The following RNF213 variants were observed in gnomAD, a reference collection of about 807,000 sequenced individuals.
RNF213 encodes the protein E3 ubiquitin-protein ligase RNF213.
In RNF213, 341 loss-of-function variants were observed where a neutral mutation model predicts 514.4. The observed-to-expected ratio is 0.66, with a 90% CI of 0.61 to 0.73. The LOEUF (loss-of-function observed/expected upper bound fraction) is 0.73, where lower values mean the gene tolerates loss of function less well. RNF213 is among the 30% of genes least tolerant of loss of function. The probability of loss-of-function intolerance (pLI) is 0.00; values close to 1 mark genes in which losing one functional copy is unlikely to be tolerated. For missense variants in RNF213, 5,767 were observed against 6,615.6 expected (o/e 0.87, Z 4.45); for synonymous variants, 2,655 against 2,658.2 (o/e 1.00, Z 0.04).
rs748223694 is a variant in RNF213 at position 80,393,750 on chromosome 17, A to G, written c.*252A>G. On this transcript the variant is annotated 3_prime_UTR_variant, in exon 68 of 68. Transcript: ENST00000582970. Reference sequence around the variant, plus strand: ...TGAGTACTGTTCATTGAGAGATGACAATGAAGATTAGATGAAATTGGAAAT... The same window carrying G: ...TGAGTACTGTTCATTGAGAGATGACGATGAAGATTAGATGAAATTGGAAAT... The G allele has an allele frequency of 6.3e-6, 3 of 476,224 alleles. No homozygotes were observed. The highest frequency in any genetic ancestry group is 2.0e-5 in the African/African-American group (1 of 50,476). The allele number at this position is 476,224 out of a possible 1,614,324, so 29.5% of individuals were successfully genotyped here. A position where few individuals can be genotyped will look rare whatever the true frequency, so the allele number is the denominator to read the frequency against.
intron 61 of RNF213, 58 bp from the exon 62 acceptor site, chr17:80,386,192 T>C (rs1449348637): frequency 6.5e-7 from 1 of 1,548,844 alleles, no homozygotes; most frequent in Non-Finnish European, 8.8e-7. Context: ...TCCCCACGCC[T>C]AGATTCTGTG....
intron 2 of RNF213, among the ~76,000 whole-genome samples, chr17:80,268,295 A>G (rs1239021121): frequency 7.0e-6 from 1 of 143,716 alleles, no homozygotes; most frequent in Non-Finnish European, 1.5e-5. Flanking sequence ...TCAACGCTGC[A>G]GTGAGCCGTG....
chr17:80,345,330 C>T lies in RNF213; in HGVS notation c.6995C>T (p.Ala2332Val). The change falls in exon 29 of 68, where the codon GCC (alanine) becomes GTC (valine). Residue 2332 changes from alanine to valine, a missense_variant. Ala to Val is a moderately conservative substitution (Grantham distance 64, BLOSUM62 0). Around this residue, in one of 13 missense-constraint regions of RNF213, gnomAD observed 1,377 missense variants for 1,635.2 expected, o/e 0.84. Coordinates refer to ENST00000582970, the MANE Select transcript of RNF213 (RefSeq NM_001256071.3). This position sits in a 1 kb window ranked among gnomAD's most constrained non-coding sequence, Gnocchi z 6.0. ...LQPNINGSVD[A>V]ISHLTGKVIK... ...CCCAACATCAACGGCAGTGTCGATGCCATCAGTCACTTGACTGGGAAGGTC... is the reference window on the plus strand; with the variant it reads ...CCCAACATCAACGGCAGTGTCGATGTCATCAGTCACTTGACTGGGAAGGTC... The T allele has an allele frequency of 5.0e-6, 8 of 1,614,098 alleles. No homozygotes were observed. The highest frequency in any genetic ancestry group is 6.8e-6 in the Non-Finnish European group (8 of 1,180,018).
Position 80,394,342 on chromosome 17 carries a change from T to C in RNF213, c.*844T>C, listed in dbSNP as rs575080275. On this transcript the variant is annotated 3_prime_UTR_variant, in exon 68 of 68. Coordinates refer to ENST00000582970, the MANE Select transcript of RNF213 (RefSeq NM_001256071.3). ...TTTCTAGCATTATGCCAAATAAACATGCAGTCTCAGTGTGCTCTCGCATGT... is the reference window on the plus strand; with the variant it reads ...TTTCTAGCATTATGCCAAATAAACACGCAGTCTCAGTGTGCTCTCGCATGT... The C allele has an allele frequency of 2.6e-4, 39 of 152,368 alleles. 2 individuals carry two copies. The highest frequency in any genetic ancestry group is 3.4e-3 in the Middle Eastern group (1 of 294). The allele number at this position is 152,368 out of a possible 1,614,324, so 9.4% of individuals were successfully genotyped here.
At position 80,393,553 on chromosome 17, in the gene RNF213, C is replaced by G; in HGVS notation, c.*55C>G. ...TTTGGAGAGAAGACTCCTCTCTCCTCGTCTGCGGCGTGGACTTGATCATGG... is the reference window on the plus strand; with the variant it reads ...TTTGGAGAGAAGACTCCTCTCTCCTGGTCTGCGGCGTGGACTTGATCATGG... On this transcript the variant is annotated 3_prime_UTR_variant, in exon 68 of 68. Coordinates refer to ENST00000582970, the MANE Select transcript of RNF213 (RefSeq NM_001256071.3). 1 of 1,565,066 alleles carries G rather than the reference C, an allele frequency of 6.4e-7. No individual in the cohort carries two copies. The highest frequency in any genetic ancestry group is 8.8e-7 in the Non-Finnish European group (1 of 1,139,310).
intron 3 of RNF213, among the ~76,000 whole-genome samples, chr17:80,279,748 C>T (rs908440749): frequency 1.3e-5 from 2 of 152,032 alleles, no homozygotes; most frequent in Non-Finnish European, 2.9e-5. Context: ...GGATTACAGA[C>T]GTGAGCCACT....
chr17:80,369,123 G>C (rs2079402896), intron 44 of RNF213, among the ~76,000 whole-genome samples: 1 of 152,212 alleles, frequency 6.6e-6, no homozygotes, highest in Admixed American at 6.5e-5. Flanking sequence ...TGCCAGCCAG[G>C]CATGGTGGCT....
At chr17:80,388,021 G>A (rs1416469483) in intron 63 of RNF213, among the ~76,000 whole-genome samples, 5 of 147,710 alleles carry the variant, frequency 3.4e-5, no homozygotes, top group East Asian at 4.0e-4. Context: ...TTGCAGTGGC[G>A]CAATCTCAGC....
chr17:80,349,469 A>C (rs1397301512), intron 29 of RNF213, among the ~76,000 whole-genome samples: 1 of 152,196 alleles, frequency 6.6e-6, no homozygotes, highest in African/African-American at 2.4e-5. Context: ...CTGAGCCCTA[A>C]GGGATCATGA....
rs934410401 is a variant in RNF213, at chr17:80,364,541, C to A, written c.11859C>A (p.Phe3953Leu). ...ELQGLVTEHV[F>L]LLDKCLRENS... ...AGGGGCTGGTGACCGAGCACGTCTTCTTACTAGACAAGGTGAGTACTTGGG... is the reference window on the plus strand; with the variant it reads ...AGGGGCTGGTGACCGAGCACGTCTTATTACTAGACAAGGTGAGTACTTGGG... The change falls in exon 42 of 68, where the codon TTC (phenylalanine) becomes TTA (leucine). Residue 3953 changes from phenylalanine (F) to leucine (L), a missense_variant. Physicochemically the swap from Phe to Leu is conservative, Grantham distance 22. Around this residue, in one of 13 missense-constraint regions of RNF213, gnomAD observed 355 missense variants for 358.0 expected, o/e 0.99. Coordinates refer to ENST00000582970, the MANE Select transcript of RNF213 (RefSeq NM_001256071.3). 2 of 1,614,074 alleles carry A rather than the reference C, an allele frequency of 1.2e-6. No individual in the cohort carries two copies. Among genetic ancestry groups the A allele is most frequent in the African/African-American group, 2.7e-5 (2 of 74,936 alleles).
At chr17:80,359,699 C>A (rs921259286) in intron 37 of RNF213, among the ~76,000 whole-genome samples, 6 of 152,140 alleles carry the variant, frequency 3.9e-5, no homozygotes, top group African/African-American at 1.2e-4. Flanking sequence ...AGACAAGGCG[C>A]TGCTGATGTT....
intron 1 of RNF213, among the ~76,000 whole-genome samples, chr17:80,261,989 C>G (rs1449055222): frequency 6.6e-6 from 1 of 151,446 alleles, no homozygotes; most frequent in Non-Finnish European, 1.5e-5. Context: ...GTACTCCAGC[C>G]TGGGTGAAAC....
chr17:80,361,594 C>G, intron 38 of RNF213, 140 bp from the exon 39 acceptor site: 1 of 827,162 alleles, frequency 1.2e-6, no homozygotes, highest in Non-Finnish European at 2.0e-6. Context: ...CCTACAAAAT[C>G]AGGCAGTTGG....
chr17:80,347,155 A>C lies in RNF213; in HGVS notation c.8820A>C (p.Glu2940Asp), dbSNP rs750546005. 6.2e-7 allele frequency: 1 copy of C among 1,613,960 alleles called. No individual in the cohort carries two copies. Among genetic ancestry groups the C allele is most frequent in the Non-Finnish European group, 8.5e-7 (1 of 1,179,986 alleles). Residue 2940 changes from glutamate (E) to aspartate (D), a missense_variant, in exon 29 of 68, where the codon GAA (glutamate) becomes GAC (aspartate). Physicochemically the swap from Glu to Asp is conservative, Grantham distance 45. Transcript: ENST00000582970. This position sits in a 1 kb window ranked among gnomAD's most constrained non-coding sequence, Gnocchi z 7.2. ...GYFASFAKAY[E>D]TVCKRQDKEF... ...TTGCGTCCTTTGCCAAAGCCTACGAAACGGTGTGTAAGCGCCAGGACAAGG... is the reference window on the plus strand; with the variant it reads ...TTGCGTCCTTTGCCAAAGCCTACGACACGGTGTGTAAGCGCCAGGACAAGG...
chr17:80,269,624 C>T (rs1002562650), intron 2 of RNF213, among the ~76,000 whole-genome samples: 8 of 151,986 alleles, frequency 5.3e-5, no homozygotes, highest in African/African-American at 1.9e-4. Flanking sequence ...TCTGTCTATC[C>T]ATTCATCTAG....
chr17:80,281,522 C>A (rs1195752238), intron 3 of RNF213, among the ~76,000 whole-genome samples: 3 of 118,310 alleles, frequency 2.5e-5, no homozygotes, highest in Non-Finnish European at 5.6e-5. Context: ...CCCCAACACA[C>A]ACATGCCCCA....
In RNF213 at chr17:80,353,573, A is replaced by C. The variant is rs1599097362; in HGVS notation, c.10485A>C (p.Thr3495=). The change falls in exon 34 of 68, where the codon ACA becomes ACC. Residue 3495 remains threonine (T), a synonymous_variant. Coordinates refer to ENST00000582970, the MANE Select transcript of RNF213 (RefSeq NM_001256071.3). The surrounding 1 kb of genome is among the most constrained non-coding windows in gnomAD (Gnocchi z 5.0). ...HEEAMETEAS[T]SGEVAEVAEE... Reference sequence around the variant, plus strand: ...AGGCGATGGAGACGGAGGCCAGCACATCAGGGGAGGTGGCAGAGGTGGCAG... The same window carrying C: ...AGGCGATGGAGACGGAGGCCAGCACCTCAGGGGAGGTGGCAGAGGTGGCAG... The C allele has an allele frequency of 6.2e-7, 1 of 1,614,024 alleles. No homozygotes were observed. The highest frequency in any genetic ancestry group is 1.7e-4 in the Middle Eastern group (1 of 6,058).
chr17:80,330,558 G>A (rs528884515), intron 20 of RNF213, among the ~76,000 whole-genome samples: 45 of 152,286 alleles, frequency 3.0e-4, no homozygotes, highest in African/African-American at 9.6e-4. Flanking sequence ...GTGGTTCTCC[G>A]CCACCTCCCT....
In RNF213 at chr17:80,364,859, T is replaced by A. The variant is rs2079198567; in HGVS notation, c.11871+306T>A. On this transcript the variant is annotated intron_variant, in intron 42 of 67. Coordinates refer to ENST00000582970, the MANE Select transcript of RNF213 (RefSeq NM_001256071.3). Reference sequence around the variant, plus strand: ...AACCTTCGGCAGGGATTACCTGGCCTTTGGAGTGACCCCAGAACAGACCAC... The same window carrying A: ...AACCTTCGGCAGGGATTACCTGGCCATTGGAGTGACCCCAGAACAGACCAC... The A allele has an allele frequency of 7.7e-6, 3 of 391,158 alleles. No homozygotes were observed. In the East Asian group the frequency reaches 1.9e-4, roughly 25 times the overall value. 24.2% of individuals were successfully genotyped at this position (391,158 alleles called of 1,614,324 possible).
Sources: gnomAD v4.1 joint callset for allele counts (sites outside exome capture counted in the v4.1 genomes callset) on GRCh38, gnomAD v4.1.1 for gene constraint, gnomAD v4.1.1 regional missense constraint, Gnocchi (gnomAD v3.1) non-coding constraint, MANE v1.5 for transcripts, NCBI Gene and HGNC (gene_info 2026-07-23, HGNC 2026-07-21) for gene names.